The following SLC16A2 variants were observed in gnomAD, a reference collection of about 807,000 sequenced individuals.
SLC16A2 encodes monocarboxylate transporter 8.
Under a neutral mutation model 27.2 loss-of-function variants are expected in SLC16A2, and 3 were observed. That is an observed-to-expected ratio of 0.11 (90% CI 0.05 to 0.28). The LOEUF (loss-of-function observed/expected upper bound fraction) is 0.28, where lower values mean the gene tolerates loss of function less well. SLC16A2 is among the 10% of genes least tolerant of loss of function. SLC16A2 has a pLI of 1.00. For missense variants in SLC16A2, 295 were observed against 458.5 expected (o/e 0.64, Z 3.26); for synonymous variants, 202 against 187.8 (o/e 1.08, Z -0.62).
chrX:74,518,946 T>C (rs1411151215), intron 1 of SLC16A2, among the ~76,000 whole-genome samples: 1 of 112,141 alleles, frequency 8.9e-6, no homozygotes, highest in Non-Finnish European at 1.9e-5. Flanking sequence ...GTTTTCAAGT[T>C]TGATCAAGTC....
At chrX:74,439,001 T>A (rs1050857875) in intron 1 of SLC16A2, among the ~76,000 whole-genome samples, 1 of 111,130 alleles carries the variant, frequency 9.0e-6, no homozygotes, top group Non-Finnish European at 1.9e-5. Flanking sequence ...ACGTAGTTAA[T>A]CCAGCCACAA....
intron 1 of SLC16A2, among the ~76,000 whole-genome samples, chrX:74,456,587 A>T (rs1024127973): frequency 8.9e-6 from 1 of 112,161 alleles, no homozygotes; most frequent in African/African-American, 3.2e-5. Flanking sequence ...AACTCATGTG[A>T]TGCTGCCAGC....
At chrX:74,498,748 T>A (rs972222035) in intron 1 of SLC16A2, among the ~76,000 whole-genome samples, 9 of 112,100 alleles carry the variant, frequency 8.0e-5, no homozygotes, top group African/African-American at 2.9e-4. Flanking sequence ...GTCCCATTGT[T>A]CGGGTTTCTG....
intron 1 of SLC16A2, chrX:74,473,943 G>T: frequency 2.7e-6 from 1 of 372,551 alleles, no homozygotes; most frequent in South Asian, 5.2e-5. Flanking sequence ...AGGAGATGCT[G>T]ACTTAGACAC....
chrX:74,448,624 C>T (rs1384654069), intron 1 of SLC16A2, among the ~76,000 whole-genome samples: 1 of 110,820 alleles, frequency 9.0e-6, no homozygotes, highest in African/African-American at 3.3e-5. Flanking sequence ...AGACCCTATG[C>T]CTCTGTTTCC....
intron 1 of SLC16A2, among the ~76,000 whole-genome samples, chrX:74,488,311 T>C (rs1291967857): frequency 9.0e-6 from 1 of 111,504 alleles, no homozygotes; most frequent in Non-Finnish European, 1.9e-5. Context: ...TCCCTTACTT[T>C]AGGTAATTAA....
intron 1 of SLC16A2, among the ~76,000 whole-genome samples, chrX:74,471,964 G>A (rs1332044555): frequency 8.9e-6 from 1 of 112,019 alleles, no homozygotes; most frequent in Non-Finnish European, 1.9e-5. Context: ...CACCTATGTT[G>A]TAGCATGTGT....
intron 1 of SLC16A2, among the ~76,000 whole-genome samples, chrX:74,438,035 C>T (rs753673504): frequency 8.9e-6 from 1 of 112,428 alleles, no homozygotes; most frequent in African/African-American, 3.2e-5. Flanking sequence ...AAAATGGAAT[C>T]TGTTTTTAGC....
intron 1 of SLC16A2, chrX:74,474,005 G>T: frequency 4.7e-6 from 1 of 211,076 alleles, no homozygotes; most frequent in Non-Finnish European, 9.0e-6. Flanking sequence ...AGTGTCCATG[G>T]GCAGAAAGCT....
At chrX:74,470,192 G>A (rs981184796) in intron 1 of SLC16A2, among the ~76,000 whole-genome samples, 1 of 112,180 alleles carries the variant, frequency 8.9e-6, no homozygotes, top group African/African-American at 3.2e-5. Context: ...CTGTCCAGAT[G>A]TACCAGAGCT....
At chrX:74,505,332 G>C (rs1416330534) in intron 1 of SLC16A2, among the ~76,000 whole-genome samples, 1 of 111,795 alleles carries the variant, frequency 8.9e-6, no homozygotes, top group Non-Finnish European at 1.9e-5. Context: ...TCCTTCCTCT[G>C]CTGTTTCCTC....
chrX:74,521,760 C>T (rs1251549295), intron 2 of SLC16A2, among the ~76,000 whole-genome samples: 1 of 112,207 alleles, frequency 8.9e-6, no homozygotes, highest in Non-Finnish European at 1.9e-5. Context: ...TAATGATTTA[C>T]ATCATGGGCA....
At chrX:74,492,905 C>T (rs1306735136) in intron 1 of SLC16A2, among the ~76,000 whole-genome samples, 1 of 111,918 alleles carries the variant, frequency 8.9e-6, no homozygotes, top group East Asian at 2.8e-4. Context: ...AACCAGGAGC[C>T]ACAAAGATGC....
At chrX:74,492,234 C>T (rs1929841989) in intron 1 of SLC16A2, among the ~76,000 whole-genome samples, 1 of 111,285 alleles carries the variant, frequency 9.0e-6, no homozygotes, top group African/African-American at 3.3e-5. Flanking sequence ...AAGAGAGAGG[C>T]TATAGCTCTC....
At chrX:74,441,189 C>T (rs1358617642) in intron 1 of SLC16A2, among the ~76,000 whole-genome samples, 1 of 111,221 alleles carries the variant, frequency 9.0e-6, no homozygotes, top group Non-Finnish European at 1.9e-5. Context: ...TCCCGAATAG[C>T]TGGGATTACA....
intron 1 of SLC16A2, among the ~76,000 whole-genome samples, chrX:74,435,753 C>T (rs2147839596): frequency 9.3e-6 from 1 of 108,053 alleles, no homozygotes; most frequent in East Asian, 2.9e-4. Context: ...AGTTCAGGGG[C>T]TCATGAAAGG....
At chrX:74,508,947 T>C (rs1416405056) in intron 1 of SLC16A2, among the ~76,000 whole-genome samples, 1 of 74,141 alleles carries the variant, frequency 1.3e-5, no homozygotes, top group African/African-American at 4.0e-5. Flanking sequence ...AGACATCCTT[T>C]TTGTATCCTT....
At chrX:74,507,245 C>T (rs1032624994) in intron 1 of SLC16A2, among the ~76,000 whole-genome samples, 6 of 111,067 alleles carry the variant, frequency 5.4e-5, no homozygotes, top group African/African-American at 1.3e-4. Flanking sequence ...CATGAGCAAC[C>T]GCGCCCAGCC....
intron 1 of SLC16A2, among the ~76,000 whole-genome samples, chrX:74,423,536 G>T: frequency 9.0e-6 from 1 of 111,564 alleles, no homozygotes; most frequent in South Asian, 3.9e-4. Flanking sequence ...CATTGGCACA[G>T]CAGCGGTGTG....
Sources: gnomAD v4.1 joint callset for allele counts (sites outside exome capture counted in the v4.1 genomes callset) on GRCh38, gnomAD v4.1.1 for gene constraint, MANE v1.5 for transcripts, NCBI Gene and HGNC (gene_info 2026-07-23, HGNC 2026-07-21) for gene names.